The following RDX variants were observed in gnomAD, a reference collection of about 807,000 sequenced individuals.
The protein encoded by RDX is deafness, autosomal recessive 24.
A neutral mutation model predicts 83.7 loss-of-function variants in RDX; 32 were observed. The observed-to-expected ratio is 0.38, with a 90% CI of 0.29 to 0.51. The LOEUF (loss-of-function observed/expected upper bound fraction) is 0.51, where lower values mean the gene tolerates loss of function less well. Among genes scored for constraint, RDX ranks in the 20% least tolerant of loss-of-function variants. The pLI is 0.87. For synonymous variants in RDX, 229 were observed against 222.7 expected, an observed-to-expected ratio of 1.03 and a Z score of -0.25; for missense variants, 600 against 689.9, an observed-to-expected ratio of 0.87 and a Z score of 1.46.
chr11:110,232,109 G>A (rs1591131942), intron 13 of RDX, 76 bp from the exon 14 acceptor site: 2 of 1,144,602 alleles, frequency 1.7e-6, no homozygotes, highest in East Asian at 2.6e-5. Context: ...GCTTTAAGAT[G>A]CAAAAATACA....
chr11:110,296,027 A>C (rs1340794183), intron 1 of RDX, among the ~76,000 whole-genome samples: 3 of 152,234 alleles, frequency 2.0e-5, no homozygotes, highest in Non-Finnish European at 2.9e-5. Context: ...AATTCTACCT[A>C]CGCTGAATAT....
chr11:110,200,189 A>G (rs1863352601), intron 14 of RDX: 1 of 155,584 alleles, frequency 6.4e-6, no homozygotes, highest in Non-Finnish European at 1.4e-5. Flanking sequence ...TCTGAAATCA[A>G]TAGTTGCTAT....
In RDX at chr11:110,231,649, C is replaced by A; in HGVS notation, c.*220G>T. Reference sequence around the variant, plus strand: ...AATGTGAAAAGAGGCAATGGAACACCATTCTCCATTCCCTGGACCAAAAGA... The same window carrying A: ...AATGTGAAAAGAGGCAATGGAACACAATTCTCCATTCCCTGGACCAAAAGA... On this transcript the variant is annotated 3_prime_UTR_variant, in exon 14 of 14. Coordinates refer to ENST00000645495, the MANE Select transcript of RDX (RefSeq NM_002906.4). 5.2e-6 allele frequency: 3 copies of A among 573,998 alleles called. No homozygotes were observed. Among genetic ancestry groups the A allele is most frequent in the Admixed American group, 3.0e-5 (1 of 33,640 alleles). The allele number at this position is 573,998 out of a possible 1,614,324, so 35.6% of individuals were successfully genotyped here.
intron 10 of RDX, among the ~76,000 whole-genome samples, chr11:110,243,088 C>G (rs1865163931): frequency 6.6e-6 from 1 of 152,076 alleles, no homozygotes. Context: ...CCAAATTACT[C>G]CAAAATCCTA....
At chr11:110,265,699 C>A (rs968810933) in intron 3 of RDX, among the ~76,000 whole-genome samples, 1 of 152,036 alleles carries the variant, frequency 6.6e-6, no homozygotes, top group Non-Finnish European at 1.5e-5. Flanking sequence ...TACAATTTTG[C>A]TGATGTTTTT....
chr11:110,203,909 C>T (rs1159705243), intron 14 of RDX, among the ~76,000 whole-genome samples: 1 of 152,034 alleles, frequency 6.6e-6, no homozygotes, highest in Non-Finnish European at 1.5e-5. Flanking sequence ...TAGGCTGGTG[C>T]CATGTGCCTA....
At chr11:110,257,627 ATG>A in intron 7 of RDX, 138 bp downstream of exon 7, 1 of 842,924 alleles carries the variant, frequency 1.2e-6, no homozygotes, top group Non-Finnish European at 2.0e-6. Context: ...CTACAAGTCT[ATG>A]TGTCATTAAT....
chr11:110,208,849 C>T (rs529414406), intron 14 of RDX, among the ~76,000 whole-genome samples: 21 of 152,118 alleles, frequency 1.4e-4, no homozygotes, highest in South Asian at 2.1e-4. Context: ...ACAGCTACTC[C>T]GGAGGCTGAG....
intron 2 of RDX, 114 bp downstream of exon 2, chr11:110,279,567 G>T: frequency 1.4e-6 from 1 of 736,144 alleles, no homozygotes; most frequent in Non-Finnish European, 2.5e-6. Context: ...AATAACAGTA[G>T]TATCAGTGCC....
At chr11:110,220,093 T>C (rs1864193001) in intron 14 of RDX, among the ~76,000 whole-genome samples, 1 of 152,178 alleles carries the variant, frequency 6.6e-6, no homozygotes, top group Non-Finnish European at 1.5e-5. Flanking sequence ...CTTATCTCCA[T>C]ATGCTTTGTA....
chr11:110,263,215 A>G (rs1859871809), intron 5 of RDX: 1 of 151,086 alleles, frequency 6.6e-6, no homozygotes, highest in Admixed American at 6.6e-5. Flanking sequence ...GCAGACTCCA[A>G]TCTCAGCGAG....
chr11:110,209,361 G>A (rs1301892418), intron 14 of RDX, among the ~76,000 whole-genome samples: 7 of 151,854 alleles, frequency 4.6e-5, no homozygotes, highest in Non-Finnish European at 7.4e-5. Flanking sequence ...CTCGCTGATT[G>A]CTAGCATAGC....
intron 14 of RDX, among the ~76,000 whole-genome samples, chr11:110,220,329 T>C (rs1474576426): frequency 6.6e-6 from 1 of 152,210 alleles, no homozygotes; most frequent in African/African-American, 2.4e-5. Flanking sequence ...TTCATGTTTA[T>C]TATTACAATC....
intron 14 of RDX, among the ~76,000 whole-genome samples, chr11:110,214,783 T>G (rs1452341153): frequency 1.0e-5 from 1 of 98,954 alleles, no homozygotes; most frequent in Admixed American, 1.2e-4. Context: ...TAGGTGGGAA[T>G]TGAACAATGA....
At chr11:110,208,985 G>A (rs1259826838) in intron 14 of RDX, among the ~76,000 whole-genome samples, 2 of 152,086 alleles carry the variant, frequency 1.3e-5, no homozygotes, top group Non-Finnish European at 2.9e-5. Context: ...AATATAATGC[G>A]GAAGATGGCC....
At chr11:110,179,762 A>G (rs1862844349) in intron 15 of RDX, 1 of 314,270 alleles carries the variant, frequency 3.2e-6, no homozygotes, top group Admixed American at 3.8e-5. Flanking sequence ...ACAGAGCAAG[A>G]TTCTGTCTAA....
chr11:110,292,971 C>A (rs1273833701), intron 1 of RDX, among the ~76,000 whole-genome samples: 2 of 152,192 alleles, frequency 1.3e-5, no homozygotes, highest in East Asian at 1.9e-4. Context: ...AAGTAAACTT[C>A]ATCTTCAATC....
intron 15 of RDX, among the ~76,000 whole-genome samples, chr11:110,189,255 A>T (rs1863056583): frequency 1.4e-5 from 2 of 147,818 alleles, no homozygotes; most frequent in Non-Finnish European, 3.0e-5. Flanking sequence ...AAAAAAAAAA[A>T]AAAAAAAAAA....
At chr11:110,236,673 C>T in intron 11 of RDX, 1 of 162,252 alleles carries the variant, frequency 6.2e-6, no homozygotes, top group Non-Finnish European at 1.3e-5. Context: ...CAGGCTGGAG[C>T]CCAGTGGCAC....
Sources: gnomAD v4.1 joint callset for allele counts (sites outside exome capture counted in the v4.1 genomes callset) on GRCh38, gnomAD v4.1.1 for gene constraint, MANE v1.5 for transcripts, NCBI Gene and HGNC (gene_info 2026-07-23, HGNC 2026-07-21) for gene names.